Variants in NUP98 observed in about 807,000 individuals in gnomAD.
NUP98 encodes nucleoporin 98 and 96 precursor.
NUP98 carries 26 observed loss-of-function variants against 191.9 expected under a neutral mutation model. The observed-to-expected ratio is 0.14, with a 90% CI of 0.10 to 0.19. NUP98 has a LOEUF of 0.19. NUP98 is among the 10% of genes least tolerant of loss of function. The pLI, the probability that NUP98 is intolerant of heterozygous loss-of-function variation, is 1.00. For synonymous variants in NUP98, 808 were observed against 778.4 expected, an observed-to-expected ratio of 1.04 and a Z score of -0.63; for missense variants, 1,941 against 2,178.8, an observed-to-expected ratio of 0.89 and a Z score of 2.17.
At chr11:3,709,299 T>G (rs2078960713) in intron 20 of NUP98, among the ~76,000 whole-genome samples, 1 of 152,166 alleles carries the variant, frequency 6.6e-6, no homozygotes, top group Non-Finnish European at 1.5e-5. Flanking sequence ...TTCCAGCACT[T>G]TGGGAGGCTG....
At chr11:3,687,973 T>C (rs754939026) in intron 28 of NUP98, among the ~76,000 whole-genome samples, 10 of 152,300 alleles carry the variant, frequency 6.6e-5, no homozygotes, top group East Asian at 1.9e-4. Flanking sequence ...TCAACATCAT[T>C]AGACATTAGG....
Position 3,677,879 on chromosome 11 carries a change from G to C in NUP98, c.5074-1259C>G, listed in dbSNP as rs73426354. On this transcript the variant is annotated intron_variant, in intron 31 of 32. Transcript: ENST00000324932. ...GTACTAGGAGTTGGAACTTTGATGA[G>C]GATAATAATAGATAACAATTATTAA... Among the ~76,000 whole-genome samples the C allele has an allele frequency of 1.3e-5, 2 of 152,116 alleles. 1 individual carries two copies. Among genetic ancestry groups the C allele is most frequent in the Non-Finnish European group, 2.9e-5 (2 of 68,026 alleles).
chr11:3,765,127 T>C lies in NUP98; in HGVS notation c.949-2088A>G, dbSNP rs1182990617. 2.0e-5 allele frequency among the ~76,000 whole-genome samples: 3 copies of C among 152,222 alleles called. No homozygotes were observed. The East Asian group carries it at 5.8e-4, about 29-fold the overall frequency. ...ATATCACATGTATGATTTTCAAGTA[T>C]TTTCTTCCACTTACAGGTCTTTTCA... On this transcript the variant is annotated intron_variant, in intron 8 of 32. Transcript: ENST00000324932.
chr11:3,694,016 A>G (rs1230038464), intron 26 of NUP98, among the ~76,000 whole-genome samples: 1 of 150,472 alleles, frequency 6.6e-6, no homozygotes, highest in East Asian at 2.0e-4. Flanking sequence ...GGATTACCTG[A>G]GGTCAGGAGT....
rs200120984 is a variant in NUP98 at position 3,720,742 on chromosome 11, T to C, written c.2230A>G (p.Ile744Val). The change falls in exon 17 of 33, where the codon ATT becomes GTT. Residue 744 changes from isoleucine (I) to valine (V), a missense_variant. Transcript: ENST00000324932. The stretch of plus-strand genomic sequence containing the variant: ...CGACCAATAGTGAAATCAGAGACAA[T>C]GCACTCTCCTTTTTCATTGGTAATT... ...AKITNEKGEC[I>V]VSDFTIGRKG... 348 of 1,597,130 alleles carry C rather than the reference T, an allele frequency of 2.2e-4. 1 individual carries two copies. Among genetic ancestry groups the C allele is most frequent in the Admixed American group, 2.7e-4 (16 of 59,376 alleles).
chr11:3,705,099 T>C (rs2134130003), intron 22 of NUP98, 101 bp downstream of exon 22: 3 of 1,061,224 alleles, frequency 2.8e-6, no homozygotes, highest in Middle Eastern at 2.1e-4. Context: ...GTTTGGCAGA[T>C]ACTTGCTAGA....
chr11:3,747,975 T>G (rs755175651), intron 11 of NUP98, among the ~76,000 whole-genome samples: 1 of 152,234 alleles, frequency 6.6e-6, no homozygotes, highest in African/African-American at 2.4e-5. Flanking sequence ...CTACATGATA[T>G]GCTGCTGCTA....
chr11:3,685,542 T>C (rs2078110782), intron 29 of NUP98, among the ~76,000 whole-genome samples: 1 of 152,044 alleles, frequency 6.6e-6, no homozygotes, highest in Non-Finnish European at 1.5e-5. Flanking sequence ...AGGAGAATAG[T>C]TCTGATCTGA....
At chr11:3,693,701 TA>T (rs1457740515) in intron 26 of NUP98, among the ~76,000 whole-genome samples, 1 of 152,150 alleles carries the variant, frequency 6.6e-6, no homozygotes, top group Non-Finnish European at 1.5e-5. Flanking sequence ...TCCCAGGATT[TA>T]ATCAATCAAT....
intron 13 of NUP98, among the ~76,000 whole-genome samples, chr11:3,733,985 T>A (rs1404104542): frequency 6.6e-6 from 1 of 152,226 alleles, no homozygotes; most frequent in Non-Finnish European, 1.5e-5. Context: ...CATATCTTGC[T>A]TCTAGTATCT....
chr11:3,731,456 C>T lies in NUP98; in HGVS notation c.1665G>A (p.Lys555=), dbSNP rs150834776. 27 of 1,607,926 alleles carry T rather than the reference C, an allele frequency of 1.7e-5. No homozygotes were observed. In the African/African-American group the frequency reaches 3.2e-4, roughly 19 times the overall value. Residue 555 remains lysine, a synonymous_variant, in exon 14 of 33, where the codon AAG becomes AAA. Coordinates refer to ENST00000324932, the MANE Select transcript of NUP98 (RefSeq NM_016320.5). The part of the protein sequence containing the change: ...PKALQTTGTA[K]SHLFDGLDDD... Reference sequence around the variant, plus strand: ...CATCCAGCCCATCAAAGAGATGTGACTTGGCTGTGCCTGTTGTTTGTAAAG... The same window carrying T: ...CATCCAGCCCATCAAAGAGATGTGATTTGGCTGTGCCTGTTGTTTGTAAAG...
At chr11:3,788,780 C>T (rs1323253492) in intron 1 of NUP98, among the ~76,000 whole-genome samples, 3 of 151,870 alleles carry the variant, frequency 2.0e-5, no homozygotes, top group Admixed American at 2.0e-4. Context: ...AACCCCGTCT[C>T]TACTAAAAAA....
intron 18 of NUP98, among the ~76,000 whole-genome samples, chr11:3,715,184 T>A (rs2079141586): frequency 6.6e-6 from 1 of 152,180 alleles, no homozygotes; most frequent in South Asian, 2.1e-4. Flanking sequence ...TCTCGCTCTG[T>A]CACCCAGGCT....
rs770022760 is a variant in NUP98 at position 3,675,058 on chromosome 11, C to G, written c.*1101G>C. ...TATTTATTTTTTAAGAAAGTAGCTT[C>G]AGAAAAAGAGGAAAATATCTAGATC... On this transcript the variant is annotated 3_prime_UTR_variant, in exon 33 of 33. Coordinates refer to ENST00000324932, the MANE Select transcript of NUP98 (RefSeq NM_016320.5). 42 of 175,734 alleles carry G rather than the reference C, an allele frequency of 2.4e-4. No homozygotes were observed. The highest frequency in any genetic ancestry group is 3.4e-4 in the Non-Finnish European group (28 of 81,616). 10.9% of individuals were successfully genotyped at this position (175,734 alleles called of 1,614,324 possible). A position where few individuals can be genotyped will look rare whatever the true frequency, so the allele number is the denominator to read the frequency against.
intron 1 of NUP98, among the ~76,000 whole-genome samples, chr11:3,792,860 T>C (rs2082402319): frequency 6.6e-6 from 1 of 152,150 alleles, no homozygotes. Flanking sequence ...GGCTCACGTC[T>C]GAAATCCCAG....
At chr11:3,695,658 G>C (rs542595311) in intron 25 of NUP98, 52 bp from the exon 26 acceptor site, 8 of 1,258,932 alleles carry the variant, frequency 6.4e-6, no homozygotes, top group Non-Finnish European at 8.4e-6. Flanking sequence ...TATGGACTTC[G>C]TCAAACACTT....
Position 3,776,114 on chromosome 11 carries a change from G to A in NUP98, c.356-93C>T, listed in dbSNP as rs1225573110. 13 of 783,060 alleles carry A rather than the reference G, an allele frequency of 1.7e-5. No homozygotes were observed. In the Admixed American group the frequency reaches 2.3e-4, roughly 14 times the overall value. 48.5% of individuals were successfully genotyped at this position (783,060 alleles called of 1,614,324 possible). ...ATTGGGCTATGGCACTAGCATCACA[G>A]TACTTCATTTTTTTTTTTTTTTTTT... On this transcript the variant is annotated intron_variant, in intron 4 of 32. Coordinates refer to ENST00000324932, the MANE Select transcript of NUP98 (RefSeq NM_016320.5).
rs563454376 is a variant in NUP98, at chr11:3,675,695, C to T, written c.*464G>A. On this transcript the variant is annotated 3_prime_UTR_variant, in exon 33 of 33. Coordinates refer to ENST00000324932, the MANE Select transcript of NUP98 (RefSeq NM_016320.5). ...GTTAACTAACCAATTACTTAAGAGA[C>T]GGATCCCTCTTCCTTCTGTGGATAG... The T allele has an allele frequency of 2.0e-5, 5 of 246,916 alleles. No individual in the cohort carries two copies. Among genetic ancestry groups the T allele is most frequent in the East Asian group, 1.2e-4 (2 of 17,252 alleles). 15.3% of individuals were successfully genotyped at this position (246,916 alleles called of 1,614,324 possible). A position where few individuals can be genotyped will look rare whatever the true frequency, so the allele number is the denominator to read the frequency against.
intron 7 of NUP98, 102 bp downstream of exon 7, chr11:3,771,644 ATT>A (rs1487240688): frequency 1.1e-6 from 1 of 945,640 alleles, no homozygotes; most frequent in African/African-American, 1.6e-5. Context: ...GTATCCCTGA[ATT>A]ATTATTTTTC....
Sources: gnomAD v4.1 joint callset for allele counts (sites outside exome capture counted in the v4.1 genomes callset) on GRCh38, gnomAD v4.1.1 for gene constraint, MANE v1.5 for transcripts, NCBI Gene and HGNC (gene_info 2026-07-23, HGNC 2026-07-21) for gene names.